Variants in LINGO2 observed in about 807,000 individuals in gnomAD.
LINGO2 encodes the protein leucine rich repeat and Ig domain containing 2, also known as leucine-rich repeat and immunoglobulin-like domain-containing nogo receptor-interacting protein 2.
A neutral mutation model predicts 30.6 loss-of-function variants in LINGO2; 14 were observed. The observed-to-expected ratio is 0.46, with a 90% confidence interval of 0.30 to 0.72. The LOEUF (loss-of-function observed/expected upper bound fraction) is 0.72, where lower values mean the gene tolerates loss of function less well. Ranked by LOEUF, LINGO2 falls within the 30% of genes least tolerant of loss-of-function variation. LINGO2 has a pLI of 0.07. For synonymous variants in LINGO2, 317 were observed against 288.5 expected, an observed-to-expected ratio of 1.10 and a Z score of -1.00; for missense variants, 729 against 751.7, an observed-to-expected ratio of 0.97 and a Z score of 0.35.
At chr9:28,285,462 G>A (rs1486545656) in intron 4 of LINGO2, among the ~76,000 whole-genome samples, 1 of 128,678 alleles carries the variant, frequency 7.8e-6, no homozygotes, top group Non-Finnish European at 1.6e-5. Context: ...CTGGAGTGCA[G>A]TGGCGTGATC....
At chr9:28,190,169 C>A (rs1819769730) in intron 4 of LINGO2, among the ~76,000 whole-genome samples, 1 of 152,104 alleles carries the variant, frequency 6.6e-6, no homozygotes, top group African/African-American at 2.4e-5. Flanking sequence ...GCTGTCTTGT[C>A]CATACCTTCA....
At chr9:29,020,810 G>T in the LINGO2 span, among the ~76,000 whole-genome samples, 15 of 152,254 alleles carry the variant, frequency 9.9e-5, 2 homozygotes, top group Admixed American at 9.8e-4. Context: ...CAGCCAGTGA[G>T]CAGTGAAGAT....
At chr9:28,780,612 C>T in the LINGO2 span, among the ~76,000 whole-genome samples, 1 of 152,028 alleles carries the variant, frequency 6.6e-6, no homozygotes, top group Non-Finnish European at 1.5e-5. Context: ...GCTTTCTTAC[C>T]CTGATTTTAT....
At chr9:28,408,903 C>T (rs1294366248) in intron 2 of LINGO2, among the ~76,000 whole-genome samples, 1 of 151,886 alleles carries the variant, frequency 6.6e-6, no homozygotes, top group Non-Finnish European at 1.5e-5. Context: ...AGAAAATAGG[C>T]CCCACAGTGG....
chr9:28,776,984 G>C, the LINGO2 span, among the ~76,000 whole-genome samples: 1 of 152,068 alleles, frequency 6.6e-6, no homozygotes, highest in African/African-American at 2.4e-5. Flanking sequence ...TCTCATGATA[G>C]TGAGTTCTCA....
At chr9:28,828,791 A>G in the LINGO2 span, among the ~76,000 whole-genome samples, 144,702 of 152,146 alleles carry the variant, frequency 0.95, 69,259 homozygotes, top group East Asian at 1. Context: ...GAGGAAGGCA[A>G]TTTGAAAACT....
the LINGO2 span, among the ~76,000 whole-genome samples, chr9:28,942,909 A>G: frequency 6.6e-6 from 1 of 152,204 alleles, no homozygotes; most frequent in Non-Finnish European, 1.5e-5. Context: ...CATTACATTT[A>G]TCTAAGAGGC....
intron 1 of LINGO2, among the ~76,000 whole-genome samples, chr9:28,624,409 G>A (rs1343853250): frequency 1.3e-5 from 2 of 150,716 alleles, no homozygotes; most frequent in African/African-American, 4.8e-5. Context: ...TCAAATGAGT[G>A]TTCAGCATTA....
rs73437488 is a variant in LINGO2, at chr9:28,458,309, T to C, written c.-279+17631A>G. On this transcript the variant is annotated intron_variant, in intron 2 of 5. Transcript: ENST00000379992. The stretch of plus-strand genomic sequence containing the variant: ...TGTTTCTTAAAGGCACAAGCTCCTA[T>C]ATTTTTATACGTCCCAGGACTAACA... Among the ~76,000 whole-genome samples the C allele has an allele frequency of 1.5e-3, 228 of 152,340 alleles. 1 individual carries two copies. Among genetic ancestry groups the C allele is most frequent in the African/African-American group, 5.2e-3 (215 of 41,590 alleles).
the LINGO2 span, among the ~76,000 whole-genome samples, chr9:28,808,691 T>C: frequency 6.6e-6 from 1 of 152,352 alleles, no homozygotes; most frequent in African/African-American, 2.4e-5. Context: ...GCATTCCATC[T>C]TTTTAGCAAT....
the LINGO2 span, among the ~76,000 whole-genome samples, chr9:29,011,218 C>T: frequency 8.5e-5 from 13 of 152,228 alleles, no homozygotes; most frequent in African/African-American, 3.1e-4. Flanking sequence ...ATTAAATGCT[C>T]CCAAACCTGT....
the LINGO2 span, among the ~76,000 whole-genome samples, chr9:29,095,711 A>C: frequency 2.2e-5 from 3 of 139,088 alleles, 1 homozygote; most frequent in Non-Finnish European, 4.7e-5. Context: ...GTATATTGTC[A>C]AGTGTTGGGA....
intron 1 of LINGO2, among the ~76,000 whole-genome samples, chr9:28,605,949 T>C (rs1587948432): frequency 6.6e-6 from 1 of 152,200 alleles, no homozygotes; most frequent in Middle Eastern, 3.4e-3. Flanking sequence ...AGGTAGCTTA[T>C]GCTATCAGAG....
In LINGO2 at chr9:28,152,722, G is replaced by A. The variant is rs184160478; in HGVS notation, c.-86-140317C>T. ...CTTCATTCCCTACTCAAAATTCAGA[G>A]TGGATCAAATAATTAAATGTAAAAA... On this transcript the variant is annotated intron_variant, in intron 4 of 5. Coordinates refer to ENST00000379992, the Ensembl canonical transcript of LINGO2. Among the ~76,000 whole-genome samples the A allele has an allele frequency of 2.6e-3, 396 of 152,188 alleles. 1 individual carries two copies. The highest frequency in any genetic ancestry group is 4.5e-3 in the Admixed American group (69 of 15,270).
the LINGO2 span, among the ~76,000 whole-genome samples, chr9:29,182,751 C>G: frequency 2.6e-5 from 4 of 150,992 alleles, no homozygotes; most frequent in African/African-American, 9.8e-5. Context: ...ACTCGCTCAT[C>G]GATAGCTATG....
the LINGO2 span, among the ~76,000 whole-genome samples, chr9:28,715,121 A>T: frequency 6.6e-6 from 1 of 152,134 alleles, no homozygotes; most frequent in Non-Finnish European, 1.5e-5. Flanking sequence ...CCAACCCAAG[A>T]CTGCAGAAAC....
the LINGO2 span, among the ~76,000 whole-genome samples, chr9:28,699,844 C>T: frequency 3.3e-5 from 5 of 151,894 alleles, no homozygotes; most frequent in Non-Finnish European, 5.9e-5. Context: ...CTGCAGTACC[C>T]TCAGGCTTAC....
At chr9:28,012,877 C>T (rs548334967) in intron 4 of LINGO2, among the ~76,000 whole-genome samples, 1 of 152,114 alleles carries the variant, frequency 6.6e-6, no homozygotes, top group African/African-American at 2.4e-5. Context: ...CTCTAAATTC[C>T]TGTTTGTTCT....
At chr9:27,944,047 C>T (rs1823271887), downstream of LINGO2, 1 of 152,232 alleles carries the variant, frequency 6.6e-6, no homozygotes, top group African/African-American at 2.4e-5. Flanking sequence ...GAAAAATAAA[C>T]CTTTTACAAA....
Sources: gnomAD v4.1 joint callset for allele counts (sites outside exome capture counted in the v4.1 genomes callset) on GRCh38, gnomAD v4.1.1 for gene constraint, MANE v1.5 for transcripts, NCBI Gene and HGNC (gene_info 2026-07-23, HGNC 2026-07-21) for gene names.